HSBP1L1: variants seen among roughly 807,000 people sequenced by gnomAD.
HSBP1L1 encodes the protein heat shock factor-binding protein 1-like protein 1.
HSBP1L1 carries 8 observed loss-of-function variants against 9.7 expected under a neutral mutation model. The ratio of observed to expected loss-of-function variants is 0.82; its 90% CI spans 0.48 to 1.48. The LOEUF (loss-of-function observed/expected upper bound fraction) is 1.48, where lower values mean the gene tolerates loss of function less well. Ranked by LOEUF, HSBP1L1 falls within the 40% of genes most tolerant of loss-of-function variation. HSBP1L1 has a pLI of 0.00. For synonymous variants in HSBP1L1, 39 were observed against 34.4 expected (o/e 1.13, Z -0.46); for missense variants, 106 against 95.8 (o/e 1.11, Z -0.44).
intron 3 of HSBP1L1, among the ~76,000 whole-genome samples, chr18:79,969,170 C>A (rs928948717): frequency 2.9e-5 from 4 of 140,048 alleles, no homozygotes; most frequent in African/African-American, 1.1e-4. Context: ...GCCTGGGCGA[C>A]AGAGCGAGAC....
At chr18:79,969,394 A>AGAAAGAAAG (rs35959688) in intron 3 of HSBP1L1, among the ~76,000 whole-genome samples, 6,144 of 79,684 alleles carry the variant, frequency 0.077, 381 homozygotes, top group East Asian at 0.13. Flanking sequence ...AAAGAAAGAA[A>AGAAAGAAAG]AAAAAACGAT....
Position 79,966,674 on chromosome 18 carries a change from C to A in HSBP1L1, c.114C>A (p.Leu38=). The A allele has an allele frequency of 6.5e-7, 1 of 1,543,714 alleles. No individual in the cohort carries two copies. Among genetic ancestry groups the A allele is most frequent in the African/African-American group, 1.4e-5 (1 of 72,954 alleles). Residue 38 remains leucine (L), a synonymous_variant, in exon 2 of 4, where the codon CTC becomes CTA. Transcript: ENST00000451882. ...AAGCTCTGACGGCAACATTAAACCT[C>A]AGAAATATCCTTTTCTACCTTTAAC... The part of the protein sequence containing the change: ...HFQALTATLN[L]RMEEMGNRIE...
chr18:79,966,840 C>A lies in HSBP1L1; in HGVS notation c.118+162C>A. ...TGGCTTCCTGATGTGTTAATTACCC[C>A]TCACCTATAGCAAAAGCTGTACCTC... On this transcript the variant is annotated intron_variant, in intron 2 of 3. Coordinates refer to ENST00000451882, the MANE Select transcript of HSBP1L1 (RefSeq NM_001136180.2). The A allele has an allele frequency of 6.7e-6, 4 of 594,298 alleles. No homozygotes were observed. The South Asian group carries it at 8.1e-5, about 12-fold the overall frequency. The allele number at this position is 594,298 out of a possible 1,614,324, so 36.8% of individuals were successfully genotyped here.
At chr18:79,969,449 C>T (rs55695451) in intron 3 of HSBP1L1, among the ~76,000 whole-genome samples, 94,691 of 145,376 alleles carry the variant, frequency 0.65, 32,366 homozygotes, top group Non-Finnish European at 0.71. Flanking sequence ...CCTGTGCCCA[C>T]GCGGATGCTT....
At chr18:79,967,825 A>G (rs2051265307) in intron 2 of HSBP1L1, 1 of 359,328 alleles carries the variant, frequency 2.8e-6, no homozygotes, top group East Asian at 5.0e-5. Flanking sequence ...GAGTTTGACT[A>G]AAATATACCA....
chr18:79,964,745 C>A lies in HSBP1L1; in HGVS notation c.10C>A (p.Arg4=), dbSNP rs1340327424. 1.4e-6 allele frequency: 2 copies of A among 1,422,624 alleles called. No homozygotes were observed. The highest frequency in any genetic ancestry group is 1.5e-5 in the African/African-American group (1 of 66,726). The allele number at this position is 1,422,624 out of a possible 1,614,324, so 88.1% of individuals were successfully genotyped here. A position where few individuals can be genotyped will look rare whatever the true frequency, so the allele number is the denominator to read the frequency against. The change falls in exon 1 of 4, where the codon CGG becomes AGG. Residue 4 remains arginine, a synonymous_variant. Coordinates refer to ENST00000451882, the MANE Select transcript of HSBP1L1 (RefSeq NM_001136180.2). ...CCGGCCAGCGGTCCACATGGACGTG[C>A]GGGGCCCTGAAGCCCCCGGCGGGCG... MDV[R]GPEAPGGRAL... is the part of the protein sequence containing the mutation.
At chr18:79,966,480 T>C in intron 1 of HSBP1L1, 132 bp from the exon 2 acceptor site, 2 of 612,418 alleles carry the variant, frequency 3.3e-6, no homozygotes, top group South Asian at 3.8e-5. Flanking sequence ...GAGGCGGAGG[T>C]TGTAGTGAGC....
intron 3 of HSBP1L1, among the ~76,000 whole-genome samples, chr18:79,968,664 T>A (rs1209370266): frequency 6.6e-6 from 1 of 151,796 alleles, no homozygotes. Context: ...AGACGGAGTT[T>A]CACCTTATTG....
At position 79,969,265 on chromosome 18, in the gene HSBP1L1, AGGGAGG is replaced by A. The variant is rs1568356423; in HGVS notation, c.213+1084_213+1089del. Among the ~76,000 whole-genome samples, 7 of 16,240 alleles carry A rather than the reference AGGGAGG, an allele frequency of 4.3e-4. 1 individual carries two copies. The highest frequency in any genetic ancestry group is 4.9e-3 in the South Asian group (1 of 204). The allele number at this position is 16,240 out of a possible 152,430, so 10.7% of individuals were successfully genotyped here. On this transcript the variant is annotated intron_variant, in intron 3 of 3. Transcript: ENST00000451882. ...GAGAGGAGAGGAGAGAGAGAGAGGG[AGGGAGG>A]GAGGGAGGGAGGGAGGGAGGGAGGG...
At chr18:79,967,005 C>T (rs534370016) in intron 2 of HSBP1L1, 36 of 185,070 alleles carry the variant, frequency 1.9e-4, no homozygotes, top group Non-Finnish European at 2.4e-4. Flanking sequence ...AAAATTAGCC[C>T]GGCATGGTGG....
intron 1 of HSBP1L1, among the ~76,000 whole-genome samples, chr18:79,966,394 A>C (rs2051257339): frequency 6.6e-6 from 1 of 152,146 alleles, no homozygotes; most frequent in African/African-American, 2.4e-5. Flanking sequence ...AAGTATAAAC[A>C]TTAGCTGGGC....
intron 1 of HSBP1L1, among the ~76,000 whole-genome samples, chr18:79,966,281 TGC>T (rs1438617714): frequency 2.8e-4 from 42 of 151,942 alleles, no homozygotes; most frequent in African/African-American, 1.0e-3. Context: ...TGGTGGCTCA[TGC>T]CTGTGATCCC....
At position 79,966,799 on chromosome 18, in the gene HSBP1L1, C is replaced by T. The variant is rs1406988483; in HGVS notation, c.118+121C>T. 4 of 749,326 alleles carry T rather than the reference C, an allele frequency of 5.3e-6. No homozygotes were observed. The African/African-American group carries it at 7.1e-5, about 13-fold the overall frequency. The allele number at this position is 749,326 out of a possible 1,614,324, so 46.4% of individuals were successfully genotyped here. ...TTTACTTAGGATTTCCCAGTATTTA[C>T]TTCTGTGCTTTTATGTGGCTTCCTG... On this transcript the variant is annotated intron_variant, in intron 2 of 3. Transcript: ENST00000451882.
intron 2 of HSBP1L1, among the ~76,000 whole-genome samples, chr18:79,967,127 G>A (rs1265005014): frequency 2.9e-5 from 4 of 139,640 alleles, no homozygotes; most frequent in Admixed American, 7.4e-5. Context: ...CAGCCTGGGT[G>A]ACAGAGCGAG....
At chr18:79,966,576 A>G in intron 1 of HSBP1L1, 36 bp from the exon 2 acceptor site, 1 of 1,465,634 alleles carries the variant, frequency 6.8e-7, no homozygotes, top group Non-Finnish European at 9.3e-7. Context: ...CCAACAGTAA[A>G]TATTTATTCA....
intron 1 of HSBP1L1, among the ~76,000 whole-genome samples, chr18:79,965,394 G>C (rs1489220902): frequency 6.6e-6 from 1 of 152,118 alleles, no homozygotes; most frequent in African/African-American, 2.4e-5. Flanking sequence ...TCAGAGGTGG[G>C]GCCTCCTCCT....
intron 1 of HSBP1L1, 74 bp from the exon 2 acceptor site, chr18:79,966,538 A>T: frequency 9.1e-7 from 1 of 1,093,714 alleles, no homozygotes. Context: ...ACAAGACTTC[A>T]TCTCAGAAAA....
Position 79,964,750 on chromosome 18 carries a change from C to A in HSBP1L1, c.15C>A (p.Gly5=). 2 of 1,417,056 alleles carry A rather than the reference C, an allele frequency of 1.4e-6. 1 individual carries two copies. The highest frequency in any genetic ancestry group is 1.8e-6 in the Non-Finnish European group (2 of 1,087,324). 87.8% of individuals were successfully genotyped at this position (1,417,056 alleles called of 1,614,324 possible). A position where few individuals can be genotyped will look rare whatever the true frequency, so the allele number is the denominator to read the frequency against. The change falls in exon 1 of 4, where the codon GGC becomes GGA. Residue 5 remains glycine, a synonymous_variant. Coordinates refer to ENST00000451882, the MANE Select transcript of HSBP1L1 (RefSeq NM_001136180.2). ...CAGCGGTCCACATGGACGTGCGGGG[C>A]CCTGAAGCCCCCGGCGGGCGCGCGC... The part of the protein sequence containing the change: MDVR[G]PEAPGGRALR...
Position 79,964,719 on chromosome 18 carries a change from C to A in HSBP1L1, c.-17C>A. On this transcript the variant is annotated 5_prime_UTR_variant, in exon 1 of 4. Coordinates refer to ENST00000451882, the MANE Select transcript of HSBP1L1 (RefSeq NM_001136180.2). ...GCCCACGGGACCCCCCACTGACGCC[C>A]CCGGCCAGCGGTCCACATGGACGTG... The A allele has an allele frequency of 7.1e-7, 1 of 1,402,422 alleles. No individual in the cohort carries two copies. Among genetic ancestry groups the A allele is most frequent in the Admixed American group, 3.0e-5 (1 of 33,240 alleles). 86.9% of individuals were successfully genotyped at this position (1,402,422 alleles called of 1,614,324 possible).
Sources: gnomAD v4.1 joint callset for allele counts (sites outside exome capture counted in the v4.1 genomes callset) on GRCh38, gnomAD v4.1.1 for gene constraint, MANE v1.5 for transcripts, NCBI Gene and HGNC (gene_info 2026-07-23, HGNC 2026-07-21) for gene names.